The following TMTC4 variants were observed in gnomAD, a reference collection of about 807,000 sequenced individuals.
The protein encoded by TMTC4 is protein O-mannosyl-transferase TMTC4.
In TMTC4, 65 loss-of-function variants were observed where a neutral mutation model predicts 86.0. That is an observed-to-expected ratio of 0.76 (90% CI 0.62 to 0.93). The LOEUF (loss-of-function observed/expected upper bound fraction) is 0.93. Among genes scored for constraint, TMTC4 ranks in the 40% least tolerant of loss-of-function variants. The probability of loss-of-function intolerance (pLI) is 0.00; values close to 1 mark genes in which losing one functional copy is unlikely to be tolerated. For missense variants in TMTC4, 866 were observed against 948.1 expected (o/e 0.91, Z 1.14); for synonymous variants, 379 against 382.5 (o/e 0.99, Z 0.11).
Position 100,625,878 on chromosome 13 carries a change from T to A in TMTC4, c.1601A>T (p.Tyr534Phe), listed in dbSNP as rs764917209. ...YREAVRLNPK[Y>F]VHAMNNLGNI... ...TCCAAGATTATTCATGGCATGAACA[T>A]ACTTGGGATTTAATCTGAAAGTTGA... The change falls in exon 14 of 19, where the codon TAT (tyrosine) becomes TTT (phenylalanine). Residue 534 changes from tyrosine to phenylalanine, a missense_variant. Physicochemically the swap from Tyr to Phe is conservative, Grantham distance 22. Transcript: ENST00000342624. 8.6e-5 allele frequency: 139 copies of A among 1,612,592 alleles called. No homozygotes were observed. The highest frequency in any genetic ancestry group is 2.1e-5 in the Non-Finnish European group (25 of 1,179,808).
upstream of TMTC4, chr13:100,674,818 G>C (rs1241466635): frequency 3.1e-6 from 3 of 980,408 alleles, no homozygotes; most frequent in South Asian, 1.4e-4. Context: ...CACCCGCCCG[G>C]ACCTGGCAGG....
intron 4 of TMTC4, among the ~76,000 whole-genome samples, chr13:100,663,383 C>T (rs912591711): frequency 6.6e-6 from 1 of 152,152 alleles, no homozygotes; most frequent in African/African-American, 2.4e-5. Context: ...TAATTAACTA[C>T]AGGGAAAAAC....
At chr13:100,612,740 A>G (rs1877836376) in intron 16 of TMTC4, among the ~76,000 whole-genome samples, 1 of 151,980 alleles carries the variant, frequency 6.6e-6, no homozygotes, top group Non-Finnish European at 1.5e-5. Flanking sequence ...CATTTCTGAC[A>G]CAACACATAA....
Position 100,625,799 on chromosome 13 carries a change from C to G in TMTC4, c.1680G>C (p.Leu560Phe), listed in dbSNP as rs556355983. 1.2e-6 allele frequency: 2 copies of G among 1,613,510 alleles called. No individual in the cohort carries two copies. The highest frequency in any genetic ancestry group is 1.7e-6 in the Non-Finnish European group (2 of 1,179,996). ...ELQEAEELLSLAVQIQPDFAA... is the reference protein window; with the variant it reads ...ELQEAEELLSFAVQIQPDFAA... ...ACAATGCTTACTGTATTTGAACAGC[C>G]AAAGACAGCAGCTCCTCAGCTTCCT... Residue 560 changes from leucine to phenylalanine, a missense_variant, in exon 14 of 19, where the codon TTG becomes TTC. Physicochemically the swap from Leu to Phe is conservative, Grantham distance 22. Transcript: ENST00000342624.
intron 10 of TMTC4, chr13:100,635,844 G>T (rs1882140028): frequency 1.3e-5 from 2 of 152,644 alleles, no homozygotes; most frequent in Admixed American, 1.3e-4. Context: ...TGGGCCCTGT[G>T]GCTACAGTAT....
chr13:100,663,424 C>T (rs1281831688), intron 4 of TMTC4, among the ~76,000 whole-genome samples: 1 of 152,132 alleles, frequency 6.6e-6, no homozygotes. Context: ...AGGGGAGTGG[C>T]GCTGAAGCAA....
chr13:100,674,344 G>A lies in TMTC4; in HGVS notation c.-208+400C>T, dbSNP rs1358754382. 26 of 978,566 alleles carry A rather than the reference G, an allele frequency of 2.7e-5. No individual in the cohort carries two copies. In the South Asian group the frequency reaches 8.0e-4, roughly 30 times the overall value. 60.6% of individuals were successfully genotyped at this position (978,566 alleles called of 1,614,324 possible). A position where few individuals can be genotyped will look rare whatever the true frequency, so the allele number is the denominator to read the frequency against. ...CGCGGCCAGCTGGCGGCCAGGCGCG[G>A]GGCCCCGCGGCCAGATGGCCGCTCC... On this transcript the variant is annotated intron_variant, in intron 1 of 18. Transcript: ENST00000342624.
intron 6 of TMTC4, among the ~76,000 whole-genome samples, chr13:100,653,436 G>A (rs1415360058): frequency 6.6e-6 from 1 of 152,112 alleles, no homozygotes; most frequent in African/African-American, 2.4e-5. Context: ...CAGGGAACGA[G>A]GTGGACGGGG....
chr13:100,653,993 A>T (rs1400775703), intron 6 of TMTC4, among the ~76,000 whole-genome samples: 2 of 152,174 alleles, frequency 1.3e-5, no homozygotes, highest in African/African-American at 4.8e-5. Context: ...TCTGGTGGTG[A>T]CTCCATCGGC....
At chr13:100,662,733 A>C (rs754101535) in intron 5 of TMTC4, among the ~76,000 whole-genome samples, 4 of 151,466 alleles carry the variant, frequency 2.6e-5, no homozygotes, top group Admixed American at 6.6e-5. Context: ...GGTGCTCTGC[A>C]TTTTTTTTTC....
chr13:100,638,126 G>C, intron 7 of TMTC4, 104 bp from the exon 8 acceptor site: 1 of 815,418 alleles, frequency 1.2e-6, no homozygotes, highest in Non-Finnish European at 2.0e-6. Flanking sequence ...GGAACACATA[G>C]ACTAGAGAAT....
intron 4 of TMTC4, among the ~76,000 whole-genome samples, chr13:100,663,422 G>A (rs538826804): frequency 2.6e-5 from 4 of 152,304 alleles, no homozygotes; most frequent in African/African-American, 9.6e-5. Context: ...CAAGGGGAGT[G>A]GCGCTGAAGC....
intron 6 of TMTC4, among the ~76,000 whole-genome samples, chr13:100,649,914 C>G (rs1383545625): frequency 6.6e-6 from 1 of 152,032 alleles, no homozygotes; most frequent in African/African-American, 2.4e-5. Context: ...TCCAACACAG[C>G]TGCACTTATA....
intron 6 of TMTC4, among the ~76,000 whole-genome samples, chr13:100,648,414 T>G (rs1032452754): frequency 6.6e-6 from 1 of 152,234 alleles, no homozygotes; most frequent in Non-Finnish European, 1.5e-5. Context: ...AAATAAAATA[T>G]ATTATTAAAA....
At chr13:100,635,992 AAC>A (rs1882155068) in intron 10 of TMTC4, among the ~76,000 whole-genome samples, 1 of 152,234 alleles carries the variant, frequency 6.6e-6, no homozygotes, top group Non-Finnish European at 1.5e-5. Flanking sequence ...TAATTCCATA[AAC>A]ACTTAGGCTT....
chr13:100,644,413 C>G (rs987631447), intron 6 of TMTC4, among the ~76,000 whole-genome samples: 3 of 152,050 alleles, frequency 2.0e-5, no homozygotes, highest in Admixed American at 2.0e-4. Flanking sequence ...GGGAGGCGCT[C>G]TTCACCTCAA....
chr13:100,639,643 A>G (rs1882754667), intron 7 of TMTC4, among the ~76,000 whole-genome samples: 1 of 152,178 alleles, frequency 6.6e-6, no homozygotes, highest in Non-Finnish European at 1.5e-5. Flanking sequence ...TGCTCCTGAA[A>G]AACGGCACAG....
At position 100,605,413 on chromosome 13, in the gene TMTC4, A is replaced by G. The variant is rs1409560415; in HGVS notation, c.2135-271T>C. 6.6e-6 allele frequency among the ~76,000 whole-genome samples: 1 copy of G among 152,216 alleles called. No homozygotes were observed. Among genetic ancestry groups the G allele is most frequent in the African/African-American group, 2.4e-5 (1 of 41,454 alleles). On this transcript the variant is annotated intron_variant, in intron 18 of 18. Coordinates refer to ENST00000342624, the MANE Select transcript of TMTC4 (RefSeq NM_032813.5). This position sits in a 1 kb window ranked among gnomAD's most constrained non-coding sequence, Gnocchi z 4.3. ...AACATTATTACATAAAGAAGCAAAA[A>G]GAAGAGTACATGCAATGTCTTAGTG...
intron 5 of TMTC4, among the ~76,000 whole-genome samples, chr13:100,662,686 A>C (rs908634499): frequency 3.9e-5 from 6 of 152,162 alleles, no homozygotes; most frequent in African/African-American, 1.4e-4. Context: ...GTCACCAGAG[A>C]TCACACCACA....
Sources: allele counts gnomAD v4.1 joint callset (sites outside exome capture counted in the v4.1 genomes callset), GRCh38; gene constraint gnomAD v4.1.1; non-coding constraint Gnocchi (gnomAD v3.1); transcripts MANE v1.5; gene names NCBI Gene and HGNC (gene_info 2026-07-23, HGNC 2026-07-21).